The following PRCP variants were observed in gnomAD, a reference collection of about 807,000 sequenced individuals.
The protein encoded by PRCP is lysosomal Pro-X carboxypeptidase.
PRCP carries 46 observed loss-of-function variants against 54.2 expected under a neutral mutation model. That is an observed-to-expected ratio of 0.85 (90% CI 0.67 to 1.09). The LOEUF is 1.09. PRCP is among the 50% of genes least tolerant of loss of function. The pLI is 0.00. For missense variants in PRCP, 613 were observed against 596.8 expected (o/e 1.03, Z -0.28); for synonymous variants, 240 against 212.2 (o/e 1.13, Z -1.14).
intron 1 of PRCP, among the ~76,000 whole-genome samples, chr11:82,861,302 T>C (rs1477885419): frequency 6.6e-6 from 1 of 152,172 alleles, no homozygotes; most frequent in Non-Finnish European, 1.5e-5. Flanking sequence ...AATGACAGAA[T>C]TAGAATATGA....
chr11:82,883,079 A>T (rs1294896716), intron 1 of PRCP, among the ~76,000 whole-genome samples: 1 of 152,200 alleles, frequency 6.6e-6, no homozygotes, highest in African/African-American at 2.4e-5. Context: ...TTGTCTGAAG[A>T]GCTGATGAAG....
At chr11:82,895,123 T>C (rs1218133122) in intron 1 of PRCP, among the ~76,000 whole-genome samples, 1 of 152,216 alleles carries the variant, frequency 6.6e-6, no homozygotes, top group Non-Finnish European at 1.5e-5. Context: ...ATTTATTGTT[T>C]ACTAACTGTT....
intron 1 of PRCP, among the ~76,000 whole-genome samples, chr11:82,889,696 T>A (rs1859957139): frequency 6.6e-6 from 1 of 152,072 alleles, no homozygotes; most frequent in Non-Finnish European, 1.5e-5. Flanking sequence ...GGGAACAATG[T>A]GGATTAACAC....
At chr11:82,843,700 A>G (rs954578657) in intron 6 of PRCP, among the ~76,000 whole-genome samples, 2 of 152,222 alleles carry the variant, frequency 1.3e-5, no homozygotes, top group Admixed American at 6.5e-5. Flanking sequence ...ATTCCTACAC[A>G]TACTGTAAAT....
At chr11:82,832,108 A>G (rs1366905572) in intron 8 of PRCP, among the ~76,000 whole-genome samples, 1 of 152,138 alleles carries the variant, frequency 6.6e-6, no homozygotes. Context: ...TTCTTTATCT[A>G]GTCAATCATT....
At chr11:82,863,425 G>A (rs1172368070) in intron 1 of PRCP, among the ~76,000 whole-genome samples, 1 of 152,120 alleles carries the variant, frequency 6.6e-6, no homozygotes, top group Non-Finnish European at 1.5e-5. Flanking sequence ...AACACCTTTC[G>A]AAACTCAGCA....
intron 1 of PRCP, among the ~76,000 whole-genome samples, chr11:82,886,203 C>T (rs11233361): frequency 0.55 from 83,407 of 152,064 alleles, 23,738 homozygotes; most frequent in African/African-American, 0.7. Context: ...GTTAGGAGAA[C>T]TAAAATTCTG....
At chr11:82,865,423 C>G (rs1859308136) in intron 1 of PRCP, among the ~76,000 whole-genome samples, 1 of 152,150 alleles carries the variant, frequency 6.6e-6, no homozygotes, top group Non-Finnish European at 1.5e-5. Context: ...TTTTCACTGA[C>G]CTGACAATAA....
chr11:82,848,998 T>TA (rs750745978), intron 6 of PRCP, 51 bp downstream of exon 6: 1,082 of 1,497,594 alleles, frequency 7.2e-4, no homozygotes, highest in South Asian at 1.2e-3. Context: ...GTATGCACAT[T>TA]AAAAAAAAAG....
At chr11:82,900,198 T>C (rs773278342) in intron 1 of PRCP, 37 bp downstream of exon 1, 4 of 1,608,684 alleles carry the variant, frequency 2.5e-6, no homozygotes, top group Admixed American at 3.4e-5. Context: ...TTCCCGGCGG[T>C]TGGGCCTGGG....
At chr11:82,894,447 T>C (rs1326102165) in intron 1 of PRCP, among the ~76,000 whole-genome samples, 1 of 152,212 alleles carries the variant, frequency 6.6e-6, no homozygotes, top group Admixed American at 6.5e-5. Flanking sequence ...ACATTCCCAC[T>C]GTTCCTAACG....
intron 1 of PRCP, among the ~76,000 whole-genome samples, chr11:82,870,421 G>C (rs1859451643): frequency 6.6e-6 from 1 of 152,168 alleles, no homozygotes; most frequent in Non-Finnish European, 1.5e-5. Context: ...AGGAGGGAAT[G>C]GGGTCAATAG....
At chr11:82,842,418 T>C (rs1858694712) in intron 6 of PRCP, among the ~76,000 whole-genome samples, 3 of 152,132 alleles carry the variant, frequency 2.0e-5, no homozygotes, top group Admixed American at 2.0e-4. Context: ...CAGATCACCC[T>C]TGGAGTACTG....
chr11:82,863,152 A>T (rs1859247963), intron 1 of PRCP, among the ~76,000 whole-genome samples: 2 of 152,234 alleles, frequency 1.3e-5, no homozygotes, highest in African/African-American at 4.8e-5. Context: ...CCATGAGGGT[A>T]AAACCCAGTA....
At chr11:82,901,171 G>C (rs549399916), upstream of PRCP, among the ~76,000 whole-genome samples, 1 of 152,088 alleles carries the variant, frequency 6.6e-6, no homozygotes, top group Non-Finnish European at 1.5e-5. Flanking sequence ...CCGTTCTTGG[G>C]TCACCCCAAA....
intron 1 of PRCP, among the ~76,000 whole-genome samples, chr11:82,885,620 C>T (rs1418271636): frequency 3.3e-5 from 5 of 152,150 alleles, no homozygotes; most frequent in Non-Finnish European, 7.3e-5. Context: ...AAACAAAATA[C>T]TTAGGTATAG....
chr11:82,838,514 G>A lies in PRCP; in HGVS notation c.1147C>T (p.His383Tyr), dbSNP rs1858583758. The change falls in exon 8 of 9, where the codon CAC becomes TAC. Residue 383 changes from histidine to tyrosine, a missense_variant. Coordinates refer to ENST00000313010, the MANE Select transcript of PRCP (RefSeq NM_005040.4). ...GAAAGTTCCTTTAAGTTCCATGAGT[G>A]AGGTTCAAACATGTCATCGACACCA... ...TNGVDDMFEP[H>Y]SWNLKELSDD... is the part of the protein sequence containing the mutation. The A allele has an allele frequency of 6.2e-6, 10 of 1,614,114 alleles. No individual in the cohort carries two copies. The Middle Eastern group carries it at 9.9e-4, about 160-fold the overall frequency.
rs377714148 is a variant in PRCP at position 82,875,722 on chromosome 11, T to C, written c.169-15605A>G. Among the ~76,000 whole-genome samples, 8 of 152,196 alleles carry C rather than the reference T, an allele frequency of 5.3e-5. No individual in the cohort carries two copies. The East Asian group carries it at 7.7e-4, about 15-fold the overall frequency. ...ATATAAGGAATGCACATTATGAATG[T>C]GGGTGAGAACAGGGTGATTGTTATG... On this transcript the variant is annotated intron_variant, in intron 1 of 8. Coordinates refer to ENST00000313010, the MANE Select transcript of PRCP (RefSeq NM_005040.4).
At chr11:82,886,313 G>A (rs576473172) in intron 1 of PRCP, among the ~76,000 whole-genome samples, 6 of 152,172 alleles carry the variant, frequency 3.9e-5, no homozygotes, top group South Asian at 2.1e-4. Flanking sequence ...TTGACAGGGT[G>A]TCATTCTGTC....
Sources: allele counts gnomAD v4.1 joint callset (sites outside exome capture counted in the v4.1 genomes callset), GRCh38; gene constraint gnomAD v4.1.1; transcripts MANE v1.5; gene names NCBI Gene and HGNC (gene_info 2026-07-23, HGNC 2026-07-21).